The following SAMD5 variants were observed in gnomAD, a reference collection of about 807,000 sequenced individuals.
The protein encoded by SAMD5 is sterile alpha motif domain containing 5, also known as sterile alpha motif domain-containing protein 5.
SAMD5 carries 13 observed loss-of-function variants against 11.3 expected under a neutral mutation model. The ratio of observed to expected loss-of-function variants is 1.15; its 90% CI spans 0.75 to 1.83. The LOEUF (loss-of-function observed/expected upper bound fraction) is 1.83, where lower values mean the gene tolerates loss of function less well. Among genes scored for constraint, SAMD5 ranks in the 40% most tolerant of loss-of-function variants. The pLI is 0.00. For missense variants in SAMD5, 255 were observed against 239.1 expected, an observed-to-expected ratio of 1.07 and a Z score of -0.44; for synonymous variants, 129 against 111.3, an observed-to-expected ratio of 1.16 and a Z score of -1.00.
the SAMD5 span, among the ~76,000 whole-genome samples, chr6:147,909,632 C>CCT: frequency 1.1e-4 from 7 of 61,152 alleles, no homozygotes; most frequent in African/African-American, 6.9e-4. Context: ...TTCTTTCTTT[C>CCT]TCTTTCTTGT....
intron 1 of SAMD5, among the ~76,000 whole-genome samples, chr6:147,700,019 T>G (rs1235431855): frequency 6.6e-6 from 1 of 152,180 alleles, no homozygotes; most frequent in Non-Finnish European, 1.5e-5. Context: ...ATGCTGATAG[T>G]GTGGTAATCT....
chr6:147,896,227 C>T, the SAMD5 span, among the ~76,000 whole-genome samples: 5 of 152,148 alleles, frequency 3.3e-5, no homozygotes, highest in African/African-American at 4.8e-5. Context: ...CTGTTGAACA[C>T]ATTGTGTGGT....
chr6:147,822,846 A>C, the SAMD5 span, among the ~76,000 whole-genome samples: 1 of 152,022 alleles, frequency 6.6e-6, no homozygotes, highest in Non-Finnish European at 1.5e-5. Context: ...ACAGAGTCTC[A>C]CTCTGTCAAC....
At chr6:147,894,757 T>C in the SAMD5 span, among the ~76,000 whole-genome samples, 1 of 152,170 alleles carries the variant, frequency 6.6e-6, no homozygotes, top group East Asian at 1.9e-4. Flanking sequence ...TCAAGACACA[T>C]ACACGATCTC....
chr6:147,727,322 A>G (rs1319877773), intron 1 of SAMD5, among the ~76,000 whole-genome samples: 4 of 152,120 alleles, frequency 2.6e-5, no homozygotes, highest in Non-Finnish European at 5.9e-5. Flanking sequence ...TCCTCCTCCA[A>G]GGAGTCTTTC....
intron 1 of SAMD5, among the ~76,000 whole-genome samples, chr6:147,552,918 G>A (rs968739114): frequency 1.3e-5 from 2 of 152,164 alleles, no homozygotes; most frequent in Non-Finnish European, 2.9e-5. Context: ...AATAACATTT[G>A]TGGATGACTA....
the SAMD5 span, among the ~76,000 whole-genome samples, chr6:147,909,558 T>TA: frequency 1.1e-5 from 1 of 90,416 alleles, no homozygotes; most frequent in African/African-American, 7.0e-5. Context: ...ACCATCCATC[T>TA]TTTTTCTTTC....
the SAMD5 span, among the ~76,000 whole-genome samples, chr6:147,750,957 G>A: frequency 1.3e-5 from 2 of 152,068 alleles, no homozygotes; most frequent in African/African-American, 4.8e-5. Flanking sequence ...ACTATGGATG[G>A]CTGGACTCCA....
chr6:147,923,353 A>T, the SAMD5 span, among the ~76,000 whole-genome samples: 1 of 152,196 alleles, frequency 6.6e-6, no homozygotes, highest in Non-Finnish European at 1.5e-5. Flanking sequence ...TATATATGCC[A>T]CATCATTGCC....
chr6:147,730,256 C>T (rs1294263083), intron 1 of SAMD5: 4 of 364,136 alleles, frequency 1.1e-5, no homozygotes, highest in Non-Finnish European at 2.1e-5. Flanking sequence ...ATGAAATTCC[C>T]TGACTTACAT....
the SAMD5 span, among the ~76,000 whole-genome samples, chr6:147,894,210 A>G: frequency 3.4e-5 from 5 of 149,056 alleles, no homozygotes; most frequent in Admixed American, 2.7e-4. Context: ...TGCAACCTCC[A>G]TCCCCCAGGT....
Position 147,576,907 on chromosome 6 carries a change from C to T in SAMD5, c.162+67520C>T, listed in dbSNP as rs574884599. Among the ~76,000 whole-genome samples the T allele has an allele frequency of 3.8e-4, 58 of 152,224 alleles. 1 individual carries two copies. In the South Asian group the frequency reaches 0.012, roughly 31 times the overall value. On this transcript the variant is annotated intron_variant, in intron 1 of 1. Transcript: ENST00000566741. ...CCATTCCCCAAGGAGTATTAAATTGCCCTTTGAAATAGCCTTACAGATTCT... is the reference window on the plus strand; with the variant it reads ...CCATTCCCCAAGGAGTATTAAATTGTCCTTTGAAATAGCCTTACAGATTCT...
chr6:147,771,386 C>T, the SAMD5 span, among the ~76,000 whole-genome samples: 98 of 152,290 alleles, frequency 6.4e-4, no homozygotes, highest in East Asian at 8.9e-3. Context: ...TTCCCTCACA[C>T]GCATCCCCTT....
the SAMD5 span, among the ~76,000 whole-genome samples, chr6:147,888,762 G>GTA: frequency 6.6e-6 from 1 of 151,854 alleles, no homozygotes; most frequent in Admixed American, 6.6e-5. Context: ...GCAGGTGCCT[G>GTA]TAATCCCAGC....
chr6:147,724,290 G>T (rs1791595927), intron 1 of SAMD5, among the ~76,000 whole-genome samples: 1 of 152,044 alleles, frequency 6.6e-6, no homozygotes, highest in Admixed American at 6.6e-5. Context: ...ACCACACCTG[G>T]CTAGAAAAAT....
chr6:147,761,154 T>G, the SAMD5 span, among the ~76,000 whole-genome samples: 1 of 152,184 alleles, frequency 6.6e-6, no homozygotes, highest in African/African-American at 2.4e-5. Context: ...TGTGGGGAAG[T>G]AAACTTCATT....
chr6:147,867,068 A>G, the SAMD5 span, among the ~76,000 whole-genome samples: 14 of 152,278 alleles, frequency 9.2e-5, no homozygotes, highest in Middle Eastern at 3.4e-3. Flanking sequence ...AATTTTCCGA[A>G]TATTAATCTC....
At chr6:147,734,416 A>G (rs899820654) in intron 1 of SAMD5, among the ~76,000 whole-genome samples, 3 of 152,102 alleles carry the variant, frequency 2.0e-5, no homozygotes, top group Non-Finnish European at 2.9e-5. Context: ...TGCATTCACT[A>G]TTAAGATTTA....
the SAMD5 span, among the ~76,000 whole-genome samples, chr6:147,812,418 G>A: frequency 1.3e-5 from 2 of 152,042 alleles, no homozygotes; most frequent in African/African-American, 4.8e-5. Context: ...ATAGAGGAAG[G>A]GTTTGGGGAG....
Sources: allele counts gnomAD v4.1 joint callset (sites outside exome capture counted in the v4.1 genomes callset), GRCh38; gene constraint gnomAD v4.1.1; transcripts MANE v1.5; gene names NCBI Gene and HGNC (gene_info 2026-07-23, HGNC 2026-07-21).